The following RGS7 variants were observed in gnomAD, a reference collection of about 807,000 sequenced individuals.
RGS7 encodes the protein regulator of G protein signaling 7.
RGS7 carries 27 observed loss-of-function variants against 81.1 expected under a neutral mutation model. That is an observed-to-expected ratio of 0.33 (90% confidence interval 0.25 to 0.46). The LOEUF (loss-of-function observed/expected upper bound fraction) is 0.46, where lower values mean the gene tolerates loss of function less well. RGS7 is among the 20% of genes least tolerant of loss of function. The pLI is 1.00. For missense variants in RGS7, 396 were observed against 607.4 expected (o/e 0.65, Z 3.66); for synonymous variants, 208 against 207.7 (o/e 1.00, Z -0.01).
intron 2 of RGS7, among the ~76,000 whole-genome samples, chr1:241,334,600 G>T (rs558137691): frequency 6.6e-6 from 1 of 152,142 alleles, no homozygotes; most frequent in South Asian, 2.1e-4. Flanking sequence ...AGTGGGAAGG[G>T]ACTATCCAGT....
intron 2 of RGS7, among the ~76,000 whole-genome samples, chr1:241,138,815 T>C (rs372137321): frequency 9.8e-5 from 15 of 152,314 alleles, no homozygotes; most frequent in East Asian, 5.8e-4. Flanking sequence ...CCTCATAATA[T>C]ATGCTTTTTT....
chr1:241,078,659 A>G (rs562774916), intron 3 of RGS7, among the ~76,000 whole-genome samples: 3 of 152,278 alleles, frequency 2.0e-5, no homozygotes, highest in African/African-American at 4.8e-5. Flanking sequence ...TATTACTAAC[A>G]GTAACACCTG....
At chr1:240,875,691 A>G (rs891863184) in intron 6 of RGS7, among the ~76,000 whole-genome samples, 2 of 152,080 alleles carry the variant, frequency 1.3e-5, no homozygotes, top group African/African-American at 4.8e-5. Context: ...ATTCTCCCCA[A>G]CGCTTGTTAC....
intron 2 of RGS7, among the ~76,000 whole-genome samples, chr1:241,182,047 T>TA (rs2071665582): frequency 6.6e-6 from 1 of 152,094 alleles, no homozygotes; most frequent in Non-Finnish European, 1.5e-5. Context: ...TCACAACCTA[T>TA]AGCATTGTGA....
chr1:241,201,658 C>T (rs902485012), intron 2 of RGS7, among the ~76,000 whole-genome samples: 1 of 152,018 alleles, frequency 6.6e-6, no homozygotes, highest in Non-Finnish European at 1.5e-5. Context: ...AATAAAACTA[C>T]TTTTGTCTAC....
chr1:240,919,090 T>A (rs1413401753), intron 6 of RGS7, among the ~76,000 whole-genome samples: 2 of 151,950 alleles, frequency 1.3e-5, no homozygotes, highest in African/African-American at 4.8e-5. Context: ...GAATCAACAA[T>A]AACAACTTAC....
intron 3 of RGS7, among the ~76,000 whole-genome samples, chr1:241,003,948 A>G (rs1038990579): frequency 6.6e-6 from 1 of 152,066 alleles, no homozygotes; most frequent in African/African-American, 2.4e-5. Flanking sequence ...GGGTTTCACC[A>G]TGTTGGTCAG....
intron 3 of RGS7, among the ~76,000 whole-genome samples, chr1:241,018,133 ATTTTT>A (rs34587479): frequency 1.0e-4 from 12 of 114,414 alleles, no homozygotes; most frequent in African/African-American, 3.9e-4. Flanking sequence ...TGCCCAGCTA[ATTTTT>A]TTTTTTTTTT....
chr1:241,176,326 A>AAG (rs2071138770), intron 2 of RGS7, among the ~76,000 whole-genome samples: 1 of 152,194 alleles, frequency 6.6e-6, no homozygotes, highest in Admixed American at 6.5e-5. Flanking sequence ...GAGCTTTGGA[A>AAG]AGACCGAAGC....
At chr1:241,010,227 T>C (rs1163905137) in intron 3 of RGS7, among the ~76,000 whole-genome samples, 1 of 152,200 alleles carries the variant, frequency 6.6e-6, no homozygotes, top group East Asian at 1.9e-4. Context: ...TGGGCTTGTG[T>C]ATCTGAAGGA....
Position 241,323,992 on chromosome 1 carries a change from A to G in RGS7, c.78+31707T>C, listed in dbSNP as rs74150262. Among the ~76,000 whole-genome samples the G allele has an allele frequency of 3.3e-3, 496 of 152,304 alleles. 4 individuals are homozygous for G. Among genetic ancestry groups the G allele is most frequent in the African/African-American group, 0.011 (476 of 41,556 alleles). On this transcript the variant is annotated intron_variant, in intron 2 of 18. Transcript: ENST00000440928. ...CTAAGCAAGTTATTTAGTCTCTCTT[A>G]GTCTCCAATTTATCATGTTTAAAAT...
At chr1:240,921,902 C>T (rs1454979878) in intron 6 of RGS7, among the ~76,000 whole-genome samples, 1 of 151,834 alleles carries the variant, frequency 6.6e-6, no homozygotes, top group Non-Finnish European at 1.5e-5. Context: ...AAACCGATTC[C>T]AAAGTTGAAG....
At chr1:240,883,946 C>T (rs1666873803) in intron 6 of RGS7, among the ~76,000 whole-genome samples, 2 of 151,844 alleles carry the variant, frequency 1.3e-5, no homozygotes, top group African/African-American at 4.8e-5. Flanking sequence ...CGTGGTGGCA[C>T]ACGTCTATAA....
chr1:241,286,412 T>A (rs1308806254), intron 2 of RGS7, among the ~76,000 whole-genome samples: 1 of 152,152 alleles, frequency 6.6e-6, no homozygotes, highest in Non-Finnish European at 1.5e-5. Flanking sequence ...TTATTACACA[T>A]ACACGCCACT....
chr1:241,321,682 T>C (rs939629998), intron 2 of RGS7, among the ~76,000 whole-genome samples: 2 of 152,186 alleles, frequency 1.3e-5, no homozygotes, highest in Non-Finnish European at 2.9e-5. Flanking sequence ...ATATTTACTA[T>C]GAACCTTAAA....
chr1:241,093,985 T>C (rs1055641786), intron 3 of RGS7, among the ~76,000 whole-genome samples: 2 of 152,140 alleles, frequency 1.3e-5, no homozygotes, highest in Non-Finnish European at 2.9e-5. Context: ...AAAAGGTAGA[T>C]GTTTTACTGT....
chr1:240,870,225 T>C, intron 6 of RGS7, 106 bp from the exon 7 acceptor site: 2 of 911,476 alleles, frequency 2.2e-6, no homozygotes, highest in Non-Finnish European at 3.6e-6. Flanking sequence ...TCCCAAGTTG[T>C]AATTTTTGAT....
chr1:241,306,150 T>A (rs202146322), intron 2 of RGS7, among the ~76,000 whole-genome samples: 6 of 125,104 alleles, frequency 4.8e-5, no homozygotes, highest in African/African-American at 1.5e-4. Context: ...ACACACACAC[T>A]CACACACGTC....
chr1:241,302,990 C>T lies in RGS7; in HGVS notation c.78+52709G>A, dbSNP rs78136571. ...CTGTGTATGCCACTCTTCCCACTCA[C>T]GGACCCATGACTTCATGAACGTGGC... On this transcript the variant is annotated intron_variant, in intron 2 of 18. Coordinates refer to ENST00000440928, the MANE Select transcript of RGS7 (RefSeq NM_001364886.1). Among the ~76,000 whole-genome samples the T allele has an allele frequency of 2.6e-3, 381 of 146,508 alleles. 2 individuals are homozygous for T. The highest frequency in any genetic ancestry group is 7.9e-3 in the African/African-American group (325 of 41,106).
Sources: gnomAD v4.1 joint callset for allele counts (sites outside exome capture counted in the v4.1 genomes callset) on GRCh38, gnomAD v4.1.1 for gene constraint, MANE v1.5 for transcripts, NCBI Gene and HGNC (gene_info 2026-07-23, HGNC 2026-07-21) for gene names.